The following TMOD2 variants were observed in gnomAD, a reference collection of about 807,000 sequenced individuals.
TMOD2 encodes tropomodulin-2.
Under a neutral mutation model 39.9 loss-of-function variants are expected in TMOD2, and 22 were observed. That is an observed-to-expected ratio of 0.55 (90% CI 0.39 to 0.79). TMOD2 has a LOEUF of 0.79. Among genes scored for constraint, TMOD2 ranks in the 30% least tolerant of loss-of-function variants. TMOD2 has a pLI of 0.00. For synonymous variants in TMOD2, 123 were observed against 146.1 expected (o/e 0.84, Z 1.14); for missense variants, 386 against 413.3 (o/e 0.93, Z 0.57).
At chr15:51,765,958 A>G (rs187422166) in intron 1 of TMOD2, among the ~76,000 whole-genome samples, 2 of 152,334 alleles carry the variant, frequency 1.3e-5, no homozygotes, top group Non-Finnish European at 2.9e-5. Flanking sequence ...CTGCCTTACA[A>G]TTAGTGCATT....
intron 1 of TMOD2, among the ~76,000 whole-genome samples, chr15:51,754,059 A>T (rs1567233143): frequency 6.7e-6 from 1 of 150,032 alleles, no homozygotes; most frequent in Non-Finnish European, 1.5e-5. Flanking sequence ...AGTGGGGGGG[A>T]CGGGGGGTTG....
intron 1 of TMOD2, among the ~76,000 whole-genome samples, chr15:51,760,528 G>A (rs986477834): frequency 1.3e-5 from 2 of 152,138 alleles, no homozygotes; most frequent in African/African-American, 4.8e-5. Context: ...ATCTGGGCTG[G>A]GCGTGGTGGC....
At chr15:51,759,753 G>T (rs1567234464) in intron 1 of TMOD2, among the ~76,000 whole-genome samples, 1 of 152,102 alleles carries the variant, frequency 6.6e-6, no homozygotes, top group African/African-American at 2.4e-5. Context: ...ACAAGAAACG[G>T]GATACACTCG....
chr15:51,807,904 A>G (rs1447042364), intron 9 of TMOD2, among the ~76,000 whole-genome samples: 1 of 152,236 alleles, frequency 6.6e-6, no homozygotes, highest in Non-Finnish European at 1.5e-5. Flanking sequence ...TTAAAAGAAC[A>G]TTAATCTCTG....
At chr15:51,752,216 C>T (rs1314732866) in intron 1 of TMOD2, among the ~76,000 whole-genome samples, 2 of 152,128 alleles carry the variant, frequency 1.3e-5, no homozygotes, top group Admixed American at 6.5e-5. Context: ...CAGGGCGTTT[C>T]AGCCTCCCAG....
chr15:51,782,096 G>A (rs1053588011), intron 6 of TMOD2, among the ~76,000 whole-genome samples: 2 of 152,100 alleles, frequency 1.3e-5, no homozygotes, highest in African/African-American at 4.8e-5. Context: ...TCATTACTGT[G>A]CTAAATGATC....
chr15:51,797,629 C>A (rs574883766), intron 7 of TMOD2, among the ~76,000 whole-genome samples: 1 of 152,054 alleles, frequency 6.6e-6, no homozygotes, highest in Non-Finnish European at 1.5e-5. Context: ...GGCAGGTGCC[C>A]GTGTGCAGTC....
intron 8 of TMOD2, among the ~76,000 whole-genome samples, chr15:51,798,628 G>A (rs1470476502): frequency 1.3e-5 from 2 of 152,230 alleles, no homozygotes; most frequent in African/African-American, 4.8e-5. Flanking sequence ...GGTGGCAGAG[G>A]TGTTGATAGC....
At chr15:51,808,386 A>C in intron 9 of TMOD2, 34 bp from the exon 10 acceptor site, 1 of 1,590,786 alleles carries the variant, frequency 6.3e-7, no homozygotes, top group Non-Finnish European at 8.6e-7. Context: ...ATATCCCTTC[A>C]ATTTGTCTTT....
chr15:51,778,414 C>T (rs1307515235), intron 5 of TMOD2, among the ~76,000 whole-genome samples: 1 of 148,946 alleles, frequency 6.7e-6, no homozygotes, highest in Non-Finnish European at 1.5e-5. Context: ...TGCAGCACAC[C>T]AGCATGACAC....
chr15:51,762,154 A>T (rs1304416770), intron 1 of TMOD2, among the ~76,000 whole-genome samples: 2 of 149,690 alleles, frequency 1.3e-5, no homozygotes, highest in African/African-American at 4.9e-5. Flanking sequence ...GCCTCAAAAA[A>T]AAAAAAAAAT....
chr15:51,757,401 C>CAAAAAAAAAAAAAAA, intron 1 of TMOD2, among the ~76,000 whole-genome samples: 1 of 81,906 alleles, frequency 1.2e-5, no homozygotes, highest in Non-Finnish European at 2.3e-5. Flanking sequence ...GACTCCGTCT[C>CAAAAAAAAAAAAAAA]AAAAAAAAAA....
intron 7 of TMOD2, among the ~76,000 whole-genome samples, chr15:51,795,780 A>G (rs75651088): frequency 4.1e-4 from 62 of 152,074 alleles, no homozygotes; most frequent in African/African-American, 1.4e-3. Context: ...TAGATCACCA[A>G]CTTGGTCTTC....
chr15:51,764,297 A>G (rs1337102113), intron 1 of TMOD2, among the ~76,000 whole-genome samples: 1 of 152,190 alleles, frequency 6.6e-6, no homozygotes, highest in Non-Finnish European at 1.5e-5. Context: ...AGCCTGGGCA[A>G]CAGAGGGAGA....
intron 7 of TMOD2, among the ~76,000 whole-genome samples, chr15:51,785,327 G>A (rs1237806931): frequency 1.3e-5 from 2 of 151,358 alleles, no homozygotes; most frequent in Non-Finnish European, 2.9e-5. Context: ...CAGGAGAATG[G>A]CGTGAACCCA....
chr15:51,773,241 G>T (rs1326791413), intron 3 of TMOD2, among the ~76,000 whole-genome samples: 1 of 152,190 alleles, frequency 6.6e-6, no homozygotes, highest in Admixed American at 6.5e-5. Flanking sequence ...TTTGGGCAAG[G>T]CATTCCAGGG....
intron 6 of TMOD2, 30 bp from the exon 7 acceptor site, chr15:51,782,691 C>A: frequency 6.4e-7 from 1 of 1,564,376 alleles, no homozygotes; most frequent in South Asian, 1.1e-5. Context: ...TACAATGGTT[C>A]ATCAACTAGC....
At chr15:51,796,530 A>C (rs1260609710) in intron 7 of TMOD2, among the ~76,000 whole-genome samples, 1 of 152,172 alleles carries the variant, frequency 6.6e-6, no homozygotes, top group Non-Finnish European at 1.5e-5. Flanking sequence ...TTATCTGCAG[A>C]GGTTTCAGTG....
At chr15:51,785,028 T>A (rs1478598216) in intron 7 of TMOD2, 2 of 152,244 alleles carry the variant, frequency 1.3e-5, no homozygotes, top group Non-Finnish European at 2.9e-5. Context: ...TGTTGAATGC[T>A]TGTCATGTGA....
Sources: allele counts gnomAD v4.1 joint callset (sites outside exome capture counted in the v4.1 genomes callset), GRCh38; gene constraint gnomAD v4.1.1; transcripts MANE v1.5; gene names NCBI Gene and HGNC (gene_info 2026-07-23, HGNC 2026-07-21).